ATP6V1H: variants seen among roughly 807,000 people sequenced by gnomAD.
ATP6V1H encodes the protein V-type proton ATPase subunit H.
In ATP6V1H, 39 loss-of-function variants were observed where a neutral mutation model predicts 71.7. The observed-to-expected ratio is 0.54, with a 90% confidence interval of 0.42 to 0.71. The LOEUF is 0.71. ATP6V1H is among the 30% of genes least tolerant of loss of function. The pLI is 0.00. For synonymous variants in ATP6V1H, 192 were observed against 199.3 expected, an observed-to-expected ratio of 0.96 and a Z score of 0.31; for missense variants, 509 against 594.9, an observed-to-expected ratio of 0.86 and a Z score of 1.50.
intron 4 of ATP6V1H, among the ~76,000 whole-genome samples, chr8:53,820,842 C>T (rs1328484958): frequency 6.6e-6 from 1 of 151,452 alleles, no homozygotes; most frequent in Non-Finnish European, 1.5e-5. Flanking sequence ...ATTAGCCAGG[C>T]GTGGTAGCAC....
At chr8:53,770,598 A>T (rs1178455741) in intron 10 of ATP6V1H, among the ~76,000 whole-genome samples, 1 of 152,220 alleles carries the variant, frequency 6.6e-6, no homozygotes, top group East Asian at 1.9e-4. Context: ...AGAAGTAAAC[A>T]AGTATTTTTA....
At chr8:53,773,671 C>T (rs1250936824) in intron 9 of ATP6V1H, among the ~76,000 whole-genome samples, 1 of 152,102 alleles carries the variant, frequency 6.6e-6, no homozygotes, top group African/African-American at 2.4e-5. Flanking sequence ...CCCCAGAAAA[C>T]AAAGAGCAAG....
intron 4 of ATP6V1H, among the ~76,000 whole-genome samples, chr8:53,826,951 C>CAAA (rs112178508): frequency 8.6e-6 from 1 of 116,902 alleles, no homozygotes; most frequent in Non-Finnish European, 1.9e-5. Context: ...AATTCTGTCT[C>CAAA]AAAAAAAAAA....
At chr8:53,756,102 G>C (rs1330697328) in intron 12 of ATP6V1H, among the ~76,000 whole-genome samples, 1 of 94,054 alleles carries the variant, frequency 1.1e-5, no homozygotes, top group African/African-American at 4.2e-5. Context: ...ACACAATCTT[G>C]CTCTGTCGCC....
At chr8:53,757,670 T>C (rs1368733753) in intron 11 of ATP6V1H, among the ~76,000 whole-genome samples, 1 of 152,176 alleles carries the variant, frequency 6.6e-6, no homozygotes, top group East Asian at 1.9e-4. Flanking sequence ...AAACTTAAAT[T>C]AGCCAACTGA....
chr8:53,753,173 G>C (rs961009418), intron 12 of ATP6V1H, among the ~76,000 whole-genome samples: 1 of 151,634 alleles, frequency 6.6e-6, no homozygotes, highest in Non-Finnish European at 1.5e-5. Context: ...AGGATCCAGA[G>C]CTTGCACAGA....
intron 13 of ATP6V1H, among the ~76,000 whole-genome samples, chr8:53,727,434 T>C (rs1486672714): frequency 6.6e-6 from 1 of 152,198 alleles, no homozygotes; most frequent in African/African-American, 2.4e-5. Context: ...CCACCCTCCC[T>C]GGGTAAAATC....
At chr8:53,736,032 C>T (rs904196959) in intron 13 of ATP6V1H, among the ~76,000 whole-genome samples, 12 of 152,178 alleles carry the variant, frequency 7.9e-5, no homozygotes, top group South Asian at 2.1e-4. Flanking sequence ...AGTCTACCCA[C>T]GGCCGAAGCT....
intron 7 of ATP6V1H, chr8:53,806,995 TGTGA>T (rs1744397515): frequency 3.0e-6 from 1 of 334,720 alleles, no homozygotes; most frequent in Admixed American, 3.5e-5. Context: ...TGTAATTGCC[TGTGA>T]GTTACTCCAG....
At chr8:53,788,831 A>G (rs1157977722) in intron 9 of ATP6V1H, among the ~76,000 whole-genome samples, 2 of 152,176 alleles carry the variant, frequency 1.3e-5, no homozygotes, top group African/African-American at 4.8e-5. Flanking sequence ...GTACATAATT[A>G]ATTCAGAAAG....
At chr8:53,826,396 A>G (rs1330934079) in intron 4 of ATP6V1H, among the ~76,000 whole-genome samples, 1 of 152,198 alleles carries the variant, frequency 6.6e-6, no homozygotes, top group East Asian at 1.9e-4. Flanking sequence ...AACCAACCAC[A>G]ATGTCCATCA....
intron 13 of ATP6V1H, among the ~76,000 whole-genome samples, chr8:53,719,355 G>C (rs1004468679): frequency 1.3e-5 from 2 of 152,100 alleles, no homozygotes; most frequent in Admixed American, 1.3e-4. Context: ...ATTTTCAGTA[G>C]AGATGGGGTT....
At chr8:53,747,858 C>CAGAAGTGGTGTT (rs1807661241) in intron 12 of ATP6V1H, among the ~76,000 whole-genome samples, 1 of 151,868 alleles carries the variant, frequency 6.6e-6, no homozygotes, top group Non-Finnish European at 1.5e-5. Flanking sequence ...GCTCTAAGCA[C>CAGAAGTGGTGTT]AGAAGTGGTG....
intron 9 of ATP6V1H, among the ~76,000 whole-genome samples, chr8:53,774,609 C>T (rs1260005241): frequency 6.6e-6 from 1 of 152,048 alleles, no homozygotes; most frequent in Non-Finnish European, 1.5e-5. Flanking sequence ...CAGATCAACC[C>T]TTCCACAGAA....
chr8:53,738,568 C>A (rs1032472156), intron 13 of ATP6V1H, among the ~76,000 whole-genome samples: 52 of 152,206 alleles, frequency 3.4e-4, no homozygotes, highest in African/African-American at 1.3e-3. Context: ...TGAACTAGAT[C>A]CACAGATCCC....
At chr8:53,718,858 G>A (rs1169084821) in intron 13 of ATP6V1H, among the ~76,000 whole-genome samples, 1 of 152,174 alleles carries the variant, frequency 6.6e-6, no homozygotes, top group Non-Finnish European at 1.5e-5. Flanking sequence ...GATGAAAAAG[G>A]GTCCAACTAA....
chr8:53,722,599 A>G (rs1806663937), intron 13 of ATP6V1H, among the ~76,000 whole-genome samples: 1 of 151,984 alleles, frequency 6.6e-6, no homozygotes, highest in South Asian at 2.1e-4. Flanking sequence ...GACAGTGGAG[A>G]TGGTGTCCCA....
intron 11 of ATP6V1H, among the ~76,000 whole-genome samples, chr8:53,761,875 A>G (rs541060144): frequency 6.6e-6 from 1 of 152,352 alleles, no homozygotes; most frequent in African/African-American, 2.4e-5. Context: ...GAAGGACAAA[A>G]TGGGAAGTGA....
chr8:53,746,995 A>G (rs1349971994), intron 12 of ATP6V1H, among the ~76,000 whole-genome samples: 1 of 152,250 alleles, frequency 6.6e-6, no homozygotes, highest in Admixed American at 6.5e-5. Flanking sequence ...CAAGTTCAGC[A>G]CTGGTACATA....
Sources: allele counts gnomAD v4.1 joint callset (sites outside exome capture counted in the v4.1 genomes callset), GRCh38; gene constraint gnomAD v4.1.1; transcripts MANE v1.5; gene names NCBI Gene and HGNC (gene_info 2026-07-23, HGNC 2026-07-21).